MIDEAS: variants seen among roughly 807,000 people sequenced by gnomAD.
The protein encoded by MIDEAS is mitotic deacetylase-associated SANT domain protein.
A neutral mutation model predicts 102.7 loss-of-function variants in MIDEAS; 26 were observed. The observed-to-expected ratio is 0.25, with a 90% CI of 0.19 to 0.35. The LOEUF is 0.35. Ranked by LOEUF, MIDEAS falls within the 10% of genes least tolerant of loss-of-function variation. The pLI, the probability that MIDEAS is intolerant of heterozygous loss-of-function variation, is 1.00. For synonymous variants in MIDEAS, 585 were observed against 591.0 expected, an observed-to-expected ratio of 0.99 and a Z score of 0.15; for missense variants, 1,231 against 1,435.6, an observed-to-expected ratio of 0.86 and a Z score of 2.30.
upstream of MIDEAS, among the ~76,000 whole-genome samples, chr14:73,789,290 C>T (rs897669120): frequency 6.6e-6 from 1 of 152,090 alleles, no homozygotes; most frequent in Non-Finnish European, 1.5e-5. Context: ...TCTCTGGGAA[C>T]ACTCACTGTG....
intron 1 of MIDEAS, among the ~76,000 whole-genome samples, chr14:73,778,210 C>G (rs935594420): frequency 3.3e-5 from 5 of 151,824 alleles, no homozygotes; most frequent in African/African-American, 1.2e-4. Flanking sequence ...CAAAAATTAG[C>G]CGGGTGCGGC....
intron 1 of MIDEAS, among the ~76,000 whole-genome samples, chr14:73,770,381 GA>G (rs2053632286): frequency 6.6e-6 from 1 of 152,168 alleles, no homozygotes; most frequent in African/African-American, 2.4e-5. Flanking sequence ...TGATGATGAT[GA>G]TGGTGATGAT....
intron 11 of MIDEAS, 45 bp downstream of exon 11, chr14:73,721,252 T>A: frequency 6.3e-7 from 1 of 1,584,894 alleles, no homozygotes; most frequent in Non-Finnish European, 8.6e-7. Flanking sequence ...CAGGCCCAGC[T>A]CCACCCTGCT....
At chr14:73,750,718 T>A (rs550881029) in intron 1 of MIDEAS, among the ~76,000 whole-genome samples, 1 of 152,230 alleles carries the variant, frequency 6.6e-6, no homozygotes, top group Non-Finnish European at 1.5e-5. Flanking sequence ...GTTTACCTAC[T>A]CCAATTCCTC....
At position 73,740,063 on chromosome 14, in the gene MIDEAS, C is replaced by A; in HGVS notation, c.-55G>T. 2.1e-6 allele frequency: 3 copies of A among 1,419,954 alleles called. No individual in the cohort carries two copies. Among genetic ancestry groups the A allele is most frequent in the Non-Finnish European group, 2.8e-6 (3 of 1,085,348 alleles). The allele number at this position is 1,419,954 out of a possible 1,614,324, so 88.0% of individuals were successfully genotyped here. A position where few individuals can be genotyped will look rare whatever the true frequency, so the allele number is the denominator to read the frequency against. Reference sequence around the variant, plus strand: ...ATCCCCTTCAACAGTCGCCCATCCCCTGGGGAAACGTCCTGCTGGAAGCCG... The same window carrying A: ...ATCCCCTTCAACAGTCGCCCATCCCATGGGGAAACGTCCTGCTGGAAGCCG... On this transcript the variant is annotated 5_prime_UTR_variant, in exon 2 of 13. The change creates a new upstream start codon in the 5' untranslated region. Coordinates refer to ENST00000423556, the MANE Select transcript of MIDEAS (RefSeq NM_001367710.1).
At chr14:73,756,295 T>TGTGTGCGA (rs55692592) in intron 1 of MIDEAS, among the ~76,000 whole-genome samples, 101 of 127,718 alleles carry the variant, frequency 7.9e-4, no homozygotes, top group African/African-American at 2.4e-3. Context: ...TGTGTGTGTG[T>TGTGTGCGA]GCGCGCGCGC....
At chr14:73,779,394 C>CAAAA (rs35902307) in intron 1 of MIDEAS, among the ~76,000 whole-genome samples, 1 of 104,182 alleles carries the variant, frequency 9.6e-6, no homozygotes, top group South Asian at 3.5e-4. Flanking sequence ...GATTCCATCT[C>CAAAA]AAAAAAAAAA....
At chr14:73,788,155 G>GA (rs71115905), upstream of MIDEAS, among the ~76,000 whole-genome samples, 1,668 of 130,586 alleles carry the variant, frequency 0.013, 9 homozygotes, top group East Asian at 0.046. Flanking sequence ...CTTTGCTGGT[G>GA]AAAAAAAAAA....
chr14:73,756,295 T>TGTGTGTGTATGTGTGC (rs55692592), intron 1 of MIDEAS, among the ~76,000 whole-genome samples: 1 of 127,626 alleles, frequency 7.8e-6, no homozygotes, highest in African/African-American at 2.7e-5. Context: ...TGTGTGTGTG[T>TGTGTGTGTATGTGTGC]GCGCGCGCGC....
upstream of MIDEAS, among the ~76,000 whole-genome samples, chr14:73,763,884 A>C (rs1348476279): frequency 1.3e-5 from 2 of 149,468 alleles, no homozygotes; most frequent in Non-Finnish European, 2.9e-5. Context: ...TCATTGCATG[A>C]ACAACGAAAG....
At chr14:73,734,396 G>T (rs2053176834) in intron 3 of MIDEAS, among the ~76,000 whole-genome samples, 1 of 152,020 alleles carries the variant, frequency 6.6e-6, no homozygotes, top group African/African-American at 2.4e-5. Context: ...CATTTAACAG[G>T]GTTTGGGTTT....
chr14:73,757,113 A>T (rs1390679644), intron 1 of MIDEAS, among the ~76,000 whole-genome samples: 1 of 151,764 alleles, frequency 6.6e-6, no homozygotes, highest in African/African-American at 2.4e-5. Flanking sequence ...TATCTACAAA[A>T]ATAGAAAAAT....
At chr14:73,735,993 C>T (rs1383997283) in intron 3 of MIDEAS, among the ~76,000 whole-genome samples, 1 of 152,062 alleles carries the variant, frequency 6.6e-6, no homozygotes, top group African/African-American at 2.4e-5. Flanking sequence ...CCCGCCTCTA[C>T]TAAAAATACG....
intron 1 of MIDEAS, among the ~76,000 whole-genome samples, chr14:73,741,177 C>T (rs1252943923): frequency 1.3e-5 from 2 of 152,190 alleles, no homozygotes; most frequent in African/African-American, 4.8e-5. Flanking sequence ...ATTGCTAGAA[C>T]TCAGTTCCAG....
chr14:73,780,408 A>G (rs1043867768), intron 1 of MIDEAS, among the ~76,000 whole-genome samples: 1 of 152,208 alleles, frequency 6.6e-6, no homozygotes, highest in African/African-American at 2.4e-5. Flanking sequence ...AGTTATGGAG[A>G]AAAAGAAAAG....
At chr14:73,783,641 T>C (rs1381923133) in intron 1 of MIDEAS, among the ~76,000 whole-genome samples, 2 of 152,184 alleles carry the variant, frequency 1.3e-5, no homozygotes, top group African/African-American at 4.8e-5. Context: ...CAAAGCCCTG[T>C]GTGTATTTCA....
Position 73,739,203 on chromosome 14 carries a change from G to A in MIDEAS, c.806C>T (p.Pro269Leu), listed in dbSNP as rs764183479. Reference sequence around the variant, plus strand: ...CATGGAATAGAAGTTCTCAAAGAGCGGCATCTGGGGTAGGGCTGCCTGCTG... The same window carrying A: ...CATGGAATAGAAGTTCTCAAAGAGCAGCATCTGGGGTAGGGCTGCCTGCTG... ...QQQQAALPQM[P>L]LFENFYSMPQ... is the part of the protein sequence containing the mutation. Residue 269 changes from proline (P) to leucine (L), a missense_variant, in exon 2 of 13, where the codon CCG becomes CTG. Coordinates refer to ENST00000423556, the MANE Select transcript of MIDEAS (RefSeq NM_001367710.1). The A allele has an allele frequency of 1.9e-6, 3 of 1,613,590 alleles. No individual in the cohort carries two copies. Among genetic ancestry groups the A allele is most frequent in the Non-Finnish European group, 1.7e-6 (2 of 1,179,942 alleles).
chr14:73,755,009 C>T (rs1421976061), intron 1 of MIDEAS: 2 of 152,380 alleles, frequency 1.3e-5, no homozygotes, highest in South Asian at 4.1e-4. Flanking sequence ...TCTCTCCATC[C>T]AAGCTTTAAC....
intron 3 of MIDEAS, among the ~76,000 whole-genome samples, chr14:73,734,484 T>A (rs1254917732): frequency 2.0e-5 from 3 of 152,210 alleles, no homozygotes; most frequent in African/African-American, 7.2e-5. Context: ...CACAGCTCCC[T>A]GCAGCCTTGG....
Sources: gnomAD v4.1 joint callset for allele counts (sites outside exome capture counted in the v4.1 genomes callset) on GRCh38, gnomAD v4.1.1 for gene constraint, MANE v1.5 for transcripts, NCBI Gene and HGNC (gene_info 2026-07-23, HGNC 2026-07-21) for gene names.